The following PCDHGA1 variants were observed in gnomAD, a reference collection of about 807,000 sequenced individuals.
The protein encoded by PCDHGA1 is protocadherin gamma subfamily A, 1, also known as protocadherin gamma-A1.
Under a neutral mutation model 58.0 loss-of-function variants are expected in PCDHGA1, and 32 were observed. The ratio of observed to expected loss-of-function variants is 0.55; its 90% CI spans 0.42 to 0.74. The LOEUF is 0.74. Among genes scored for constraint, PCDHGA1 ranks in the 30% least tolerant of loss-of-function variants. PCDHGA1 has a pLI of 0.00. For synonymous variants in PCDHGA1, 498 were observed against 501.1 expected (o/e 0.99, Z 0.08); for missense variants, 1,205 against 1,182.3 (o/e 1.02, Z -0.28).
chr5:141,487,822 G>C lies in PCDHGA1; in HGVS notation c.2422-6985G>C. On this transcript the variant is annotated intron_variant, in intron 1 of 3. Coordinates refer to ENST00000517417, the MANE Select transcript of PCDHGA1 (RefSeq NM_018912.3). The surrounding 1 kb of genome is among the most constrained non-coding windows in gnomAD (Gnocchi z 5.0). ...TGTCACAGTTTAGCATTGGGGGCGGGTCATGCCTATATCTGAGTAAGAAAT... is the reference window on the plus strand; with the variant it reads ...TGTCACAGTTTAGCATTGGGGGCGGCTCATGCCTATATCTGAGTAAGAAAT... 1 of 1,278,758 alleles carries C rather than the reference G, an allele frequency of 7.8e-7. No individual in the cohort carries two copies. The highest frequency in any genetic ancestry group is 1.4e-5 in the South Asian group (1 of 69,172). The allele number at this position is 1,278,758 out of a possible 1,614,324, so 79.2% of individuals were successfully genotyped here. A position where few individuals can be genotyped will look rare whatever the true frequency, so the allele number is the denominator to read the frequency against.
intron 1 of PCDHGA1, chr5:141,413,949 T>C (rs1291474416): frequency 6.2e-7 from 1 of 1,613,218 alleles, no homozygotes; most frequent in African/African-American, 1.3e-5. Context: ...TTCCTGAGAA[T>C]TTGCCTGTGG....
chr5:141,487,181 C>T lies in PCDHGA1; in HGVS notation c.2422-7626C>T. 3 of 1,612,732 alleles carry T rather than the reference C, an allele frequency of 1.9e-6. No individual in the cohort carries two copies. The highest frequency in any genetic ancestry group is 1.1e-5 in the South Asian group (1 of 91,060). ...CTTAGTGTCCTTAGAGGAAGACACT[C>T]ATCCAGTTGTCCCAGATCTTCGAGA... On this transcript the variant is annotated intron_variant, in intron 1 of 3. Transcript: ENST00000517417. This position sits in a 1 kb window ranked among gnomAD's most constrained non-coding sequence, Gnocchi z 5.0.
intron 1 of PCDHGA1, chr5:141,423,369 A>C: frequency 1.9e-6 from 3 of 1,614,104 alleles, no homozygotes; most frequent in Non-Finnish European, 2.5e-6. Flanking sequence ...TGCTGCTGGC[A>C]CTCAGGCTGT....
At position 141,366,001 on chromosome 5, in the gene PCDHGA1, C is replaced by T. The variant is rs367829732; in HGVS notation, c.2421+32896C>T. ...GCCTGTTTGTGCTGGACCAGAACGA[C>T]AATACGCCTGAGATCCTGTACCCCG... On this transcript the variant is annotated intron_variant, in intron 1 of 3. Transcript: ENST00000517417. 1.4e-5 allele frequency: 22 copies of T among 1,614,272 alleles called. No individual in the cohort carries two copies. The Admixed American group carries it at 1.8e-4, about 13-fold the overall frequency.
chr5:141,400,636 G>T (rs1478195116), intron 1 of PCDHGA1: 4 of 1,325,644 alleles, frequency 3.0e-6, no homozygotes, highest in Non-Finnish European at 4.2e-6. Context: ...AGTCAGAGCT[G>T]CTCAGAAAGC....
rs1461837957 is a variant in PCDHGA1, at chr5:141,432,613, G to C, written c.2422-62194G>C. The C allele has an allele frequency of 6.2e-7, 1 of 1,613,946 alleles. No homozygotes were observed. The highest frequency in any genetic ancestry group is 1.3e-5 in the African/African-American group (1 of 75,056). On this transcript the variant is annotated intron_variant, in intron 1 of 3. Coordinates refer to ENST00000517417, the MANE Select transcript of PCDHGA1 (RefSeq NM_018912.3). The surrounding 1 kb of genome is among the most constrained non-coding windows in gnomAD (Gnocchi z 6.0). ...AGGCCAGCGAGCCGGGACTCTTCTC[G>C]GTGGGTCTGCACACGGGCGAGGTGC...
At chr5:141,409,516 C>T (rs1303826331) in intron 1 of PCDHGA1, 6 of 1,614,006 alleles carry the variant, frequency 3.7e-6, no homozygotes, top group South Asian at 1.1e-5. Context: ...GTAGAAGCAT[C>T]ACCTTGTATG....
rs1561663429 is a variant in PCDHGA1 at position 141,398,237 on chromosome 5, T to C, written c.2421+65132T>C. 4.1e-6 allele frequency: 6 copies of C among 1,479,416 alleles called. No homozygotes were observed. In the African/African-American group the frequency reaches 8.6e-5, roughly 21 times the overall value. The allele number at this position is 1,479,416 out of a possible 1,614,324, so 91.6% of individuals were successfully genotyped here. ...CTCTGTGAGCAGATCCGCTACAGGA[T>C]TCCCGAGGAAATGCCCAAGGGCTCC... On this transcript the variant is annotated intron_variant, in intron 1 of 3. Transcript: ENST00000517417.
At chr5:141,500,295 G>A (rs911106966) in intron 2 of PCDHGA1, among the ~76,000 whole-genome samples, 2 of 151,282 alleles carry the variant, frequency 1.3e-5, no homozygotes, top group African/African-American at 4.9e-5. Flanking sequence ...TGCAAGCTCC[G>A]CCTCCCAGGT....
chr5:141,478,095 C>T, intron 1 of PCDHGA1: 5 of 1,614,100 alleles, frequency 3.1e-6, no homozygotes, highest in Non-Finnish European at 4.2e-6. Context: ...TCCACCACTG[C>T]TACCCTCACT....
intron 1 of PCDHGA1, among the ~76,000 whole-genome samples, chr5:141,347,824 T>C (rs1758026620): frequency 6.6e-6 from 1 of 152,170 alleles, no homozygotes; most frequent in African/African-American, 2.4e-5. Flanking sequence ...CAAATGGTTT[T>C]ACCTATAGTG....
At chr5:141,383,850 G>T (rs893832219) in intron 1 of PCDHGA1, 2 of 1,613,808 alleles carry the variant, frequency 1.2e-6, no homozygotes, top group African/African-American at 2.7e-5. Context: ...TCTATGAAAT[G>T]GAGGTTCAGG....
intron 1 of PCDHGA1, among the ~76,000 whole-genome samples, chr5:141,386,382 A>T (rs2090551092): frequency 6.6e-6 from 1 of 152,330 alleles, no homozygotes; most frequent in South Asian, 2.1e-4. Context: ...AGTATTAATT[A>T]AAAACACACT....
At chr5:141,357,004 G>A (rs1280920888) in intron 1 of PCDHGA1, 2 of 1,614,086 alleles carry the variant, frequency 1.2e-6, no homozygotes, top group African/African-American at 1.3e-5. Flanking sequence ...AGGTCAGAAT[G>A]CCTGGCTGTC....
At position 141,511,248 on chromosome 5, in the gene PCDHGA1, C is replaced by T; in HGVS notation, c.*75C>T. ...AGCTTCTCCTTACCTGCACCCAGGC[C>T]TCAGAGTTTCAGGGCTAACCCCCAG... On this transcript the variant is annotated 3_prime_UTR_variant, in exon 4 of 4. Transcript: ENST00000517417. 6.4e-7 allele frequency: 1 copy of T among 1,574,736 alleles called. No homozygotes were observed. The highest frequency in any genetic ancestry group is 8.6e-7 in the Non-Finnish European group (1 of 1,160,336).
At chr5:141,340,209 A>C (rs754169973) in intron 1 of PCDHGA1, 1 of 1,614,154 alleles carries the variant, frequency 6.2e-7, no homozygotes, top group African/African-American at 1.3e-5. Flanking sequence ...CTTGACAGGG[A>C]ACAGTTTTCC....
At chr5:141,457,881 G>T (rs2098931594) in intron 1 of PCDHGA1, among the ~76,000 whole-genome samples, 2 of 152,230 alleles carry the variant, frequency 1.3e-5, no homozygotes, top group African/African-American at 4.8e-5. Context: ...TAGGAACCCT[G>T]TGTGGGGACT....
chr5:141,419,121 C>T, intron 1 of PCDHGA1: 5 of 1,613,882 alleles, frequency 3.1e-6, no homozygotes, highest in Non-Finnish European at 3.4e-6. Flanking sequence ...TACAACGTCA[C>T]CATCGCAGCC....
At chr5:141,343,357 T>A in intron 1 of PCDHGA1, 1 of 982,466 alleles carries the variant, frequency 1.0e-6, no homozygotes, top group Non-Finnish European at 1.2e-6. Flanking sequence ...CTTAGAGAGT[T>A]AAGAGTATAG....
Sources: gnomAD v4.1 joint callset for allele counts (sites outside exome capture counted in the v4.1 genomes callset) on GRCh38, gnomAD v4.1.1 for gene constraint, Gnocchi (gnomAD v3.1) non-coding constraint, MANE v1.5 for transcripts, NCBI Gene and HGNC (gene_info 2026-07-23, HGNC 2026-07-21) for gene names.